The following DNAH3 variants were observed in gnomAD, a reference collection of about 807,000 sequenced individuals.
DNAH3 encodes axonemal beta dynein heavy chain 3.
A neutral mutation model predicts 432.5 loss-of-function variants in DNAH3; 332 were observed. That is an observed-to-expected ratio of 0.77 (90% CI 0.70 to 0.84). The LOEUF is 0.84. DNAH3 is among the 40% of genes least tolerant of loss of function. DNAH3 has a pLI of 0.00. For synonymous variants in DNAH3, 1,956 were observed against 1,900.2 expected (o/e 1.03, Z -0.76); for missense variants, 4,861 against 5,114.0 (o/e 0.95, Z 1.51).
At chr16:21,006,624 T>C (rs2087315970) in intron 41 of DNAH3, among the ~76,000 whole-genome samples, 2 of 152,198 alleles carry the variant, frequency 1.3e-5, no homozygotes, top group Non-Finnish European at 2.9e-5. Context: ...ATTCTGCCTA[T>C]ATAAAGGGAA....
chr16:20,963,422 C>A (rs746266411), exon 53 of DNAH3: 4 of 1,614,030 alleles, frequency 2.5e-6, no homozygotes, highest in African/African-American at 2.7e-5. Flanking sequence ...AACTCCCGGA[C>A]CGCTGGCACC....
At chr16:21,048,137 G>T (rs1337601950) in intron 31 of DNAH3, among the ~76,000 whole-genome samples, 1 of 152,250 alleles carries the variant, frequency 6.6e-6, no homozygotes, top group Non-Finnish European at 1.5e-5. Context: ...TTGTTTGTCT[G>T]TGCCCTGCCC....
intron 16 of DNAH3, among the ~76,000 whole-genome samples, chr16:21,102,340 G>C (rs1199895629): frequency 6.6e-6 from 1 of 152,182 alleles, no homozygotes; most frequent in Non-Finnish European, 1.5e-5. Flanking sequence ...AACTTCAACA[G>C]CATTTACTGT....
At chr16:20,950,613 T>C (rs1596915173) in intron 56 of DNAH3, among the ~76,000 whole-genome samples, 2 of 152,188 alleles carry the variant, frequency 1.3e-5, no homozygotes, top group East Asian at 3.8e-4. Context: ...GTCTGCCACG[T>C]GCCTGGGGAA....
intron 42 of DNAH3, among the ~76,000 whole-genome samples, chr16:21,001,996 G>A (rs2152691932): frequency 6.6e-6 from 1 of 152,262 alleles, no homozygotes; most frequent in Middle Eastern, 3.4e-3. Context: ...TCTTTTTGGA[G>A]AATTAAAGTT....
intron 5 of DNAH3, among the ~76,000 whole-genome samples, chr16:21,137,868 T>C (rs2092665024): frequency 6.6e-6 from 1 of 152,144 alleles, no homozygotes; most frequent in East Asian, 1.9e-4. Context: ...GATGGCTGAG[T>C]GGCTCTGGGA....
chr16:21,098,517 C>T (rs959567973), intron 17 of DNAH3, 99 bp downstream of exon 17: 29 of 1,178,722 alleles, frequency 2.5e-5, no homozygotes, highest in African/African-American at 3.1e-5. Context: ...CAATACTATC[C>T]ACCTAGTAGA....
chr16:20,938,695 A>C (rs1446413592), intron 59 of DNAH3, among the ~76,000 whole-genome samples: 2 of 149,784 alleles, frequency 1.3e-5, no homozygotes, highest in African/African-American at 4.9e-5. Flanking sequence ...AAAGGGAAAG[A>C]AAAAAAATAG....
chr16:21,083,063 C>T (rs1411702371), intron 19 of DNAH3, among the ~76,000 whole-genome samples: 3 of 150,490 alleles, frequency 2.0e-5, no homozygotes, highest in South Asian at 2.1e-4. Context: ...GTCACCCAGG[C>T]TGGAGTGCCA....
rs535078365 is a variant in DNAH3 at position 21,080,002 on chromosome 16, G to A, written c.2969+1634C>T. On this transcript the variant is annotated intron_variant, in intron 20 of 61. Transcript: ENST00000261383. The stretch of plus-strand genomic sequence containing the variant: ...AGCAGTGCTGTCCATTAGAAATATA[G>A]AGTGAGCCACATATGTAATTTTAAA... Among the ~76,000 whole-genome samples the A allele has an allele frequency of 3.9e-4, 60 of 152,232 alleles. 1 individual carries two copies. In the South Asian group the frequency reaches 0.012, roughly 31 times the overall value.
chr16:20,961,773 T>G (rs1773396596), intron 53 of DNAH3, among the ~76,000 whole-genome samples: 1 of 149,156 alleles, frequency 6.7e-6, no homozygotes, highest in African/African-American at 2.4e-5. Flanking sequence ...TTTTTTTTTT[T>G]TTTTTTGAGA....
chr16:21,069,719 A>C, intron 22 of DNAH3, 125 bp from the exon 23 acceptor site: 2 of 842,796 alleles, frequency 2.4e-6, no homozygotes, highest in Non-Finnish European at 3.6e-6. Flanking sequence ...TGTTTAACAA[A>C]TACTTATTGA....
exon 43 of DNAH3, chr16:21,000,376 T>C: frequency 1.2e-6 from 2 of 1,613,922 alleles, no homozygotes. Flanking sequence ...TTTGGGAAGG[T>C]GGAGAAGGAA....
At chr16:20,999,528 G>T (rs1035091621) in intron 43 of DNAH3, among the ~76,000 whole-genome samples, 2 of 152,144 alleles carry the variant, frequency 1.3e-5, no homozygotes, top group Non-Finnish European at 2.9e-5. Context: ...TGCTAGATGA[G>T]AACGCTACGT....
Position 20,954,126 on chromosome 16 carries a change from A to G in DNAH3, c.11071+687T>C, listed in dbSNP as rs191899895. 1.0e-2 allele frequency among the ~76,000 whole-genome samples: 1,508 copies of G among 150,896 alleles called. 30 individuals are homozygous for G. Among genetic ancestry groups the G allele is most frequent in the African/African-American group, 0.034 (1,400 of 41,208 alleles). ...TAGTTCCAGCTACTGGGGAGGCTGAAGTGGGAGGATCGCTTGAACCTGAGA... is the reference window on the plus strand; with the variant it reads ...TAGTTCCAGCTACTGGGGAGGCTGAGGTGGGAGGATCGCTTGAACCTGAGA... On this transcript the variant is annotated intron_variant, in intron 55 of 61. Coordinates refer to ENST00000261383, the Ensembl canonical transcript of DNAH3.
At chr16:21,009,110 G>A (rs983958064) in intron 41 of DNAH3, among the ~76,000 whole-genome samples, 1 of 152,134 alleles carries the variant, frequency 6.6e-6, no homozygotes, top group African/African-American at 2.4e-5. Flanking sequence ...AATTCACAAT[G>A]AAAATAATCT....
chr16:20,982,687 A>T (rs756036847), intron 49 of DNAH3, 34 bp downstream of exon 49: 4 of 1,556,382 alleles, frequency 2.6e-6, no homozygotes, highest in Non-Finnish European at 3.5e-6. Flanking sequence ...CAAATTTGGA[A>T]TATCTAGAGT....
intron 59 of DNAH3, among the ~76,000 whole-genome samples, chr16:20,940,452 G>C (rs907556961): frequency 1.3e-5 from 2 of 151,914 alleles, no homozygotes; most frequent in Admixed American, 6.6e-5. Flanking sequence ...TAAGGGATAG[G>C]GTCTTTCTCT....
chr16:20,964,549 A>T lies in DNAH3; in HGVS notation c.9335T>A (p.Met3112Lys), dbSNP rs150920213. ...CTGCAGCGCGTTTTCCAGCATCCTC[A>T]TGTAGTTGCTATCAGAGAACTTGAT... is the stretch of plus-strand genomic sequence containing the variant. Residue 3112 changes from methionine to lysine, a missense_variant, in exon 53 of 62, where the codon ATG (methionine) becomes AAG (lysine). Met to Lys is a moderately conservative substitution (Grantham distance 95). Transcript: ENST00000261383. 4.2e-5 allele frequency: 68 copies of T among 1,614,152 alleles called. No individual in the cohort carries two copies. In the African/African-American group the frequency reaches 8.7e-4, roughly 21 times the overall value.
Sources: allele counts gnomAD v4.1 joint callset (sites outside exome capture counted in the v4.1 genomes callset), GRCh38; gene constraint gnomAD v4.1.1; transcripts MANE v1.5; gene names NCBI Gene and HGNC (gene_info 2026-07-23, HGNC 2026-07-21).